The following KCNQ1 variants were observed in gnomAD, a reference collection of about 807,000 sequenced individuals.
KCNQ1 encodes the protein potassium voltage-gated channel subfamily KQT member 1.
KCNQ1 carries 49 observed loss-of-function variants against 72.4 expected under a neutral mutation model. The ratio of observed to expected loss-of-function variants is 0.68; its 90% CI spans 0.54 to 0.86. The LOEUF is 0.86. KCNQ1 is among the 40% of genes least tolerant of loss of function. The probability of loss-of-function intolerance (pLI) is 0.00; values close to 1 mark genes in which losing one functional copy is unlikely to be tolerated. For synonymous variants in KCNQ1, 450 were observed against 412.6 expected, an observed-to-expected ratio of 1.09 and a Z score of -1.10; for missense variants, 790 against 945.1, an observed-to-expected ratio of 0.84 and a Z score of 2.15.
In KCNQ1 at chr11:2,563,894, ACAAT is replaced by A. The variant is rs1271694484; in HGVS notation, c.478-6733_478-6730del. ...AGCTATTTCGTTGAATGCTGAACTA[ACAAT>A]AGTCAGTGAAGATTAAGAACTAAAG... On this transcript the variant is annotated intron_variant, in intron 2 of 15. Coordinates refer to ENST00000155840, the MANE Select transcript of KCNQ1 (RefSeq NM_000218.3). This position sits in a 1 kb window ranked among gnomAD's most constrained non-coding sequence, Gnocchi z 7.4. 6.6e-6 allele frequency among the ~76,000 whole-genome samples: 1 copy of A among 152,218 alleles called. No homozygotes were observed. Among genetic ancestry groups the A allele is most frequent in the African/African-American group, 2.4e-5 (1 of 41,456 alleles).
At position 2,451,560 on chromosome 11, in the gene KCNQ1, G is replaced by A. The variant is rs921577830; in HGVS notation, c.386+6076G>A. 3.7e-4 allele frequency among the ~76,000 whole-genome samples: 57 copies of A among 152,342 alleles called. No homozygotes were observed. The highest frequency in any genetic ancestry group is 1.4e-3 in the African/African-American group (57 of 41,578). On this transcript the variant is annotated intron_variant, in intron 1 of 15. Transcript: ENST00000155840. This position sits in a 1 kb window ranked among gnomAD's most constrained non-coding sequence, Gnocchi z 6.4. ...CTGTGGTCCCAGGCACTGGGTGGAT[G>A]GACCAGCAGAAAGGCTCCCAGGAGG...
chr11:2,504,292 C>T (rs773595288), intron 1 of KCNQ1, among the ~76,000 whole-genome samples: 19 of 151,334 alleles, frequency 1.3e-4, no homozygotes, highest in African/African-American at 3.9e-4. Flanking sequence ...CAATTGAACT[C>T]GAGATAGAGT....
intron 2 of KCNQ1, among the ~76,000 whole-genome samples, chr11:2,535,223 C>T (rs552775093): frequency 2.0e-5 from 3 of 152,246 alleles, no homozygotes; most frequent in South Asian, 2.1e-4. Flanking sequence ...AGGCTTTGGG[C>T]GGGTAAGGGT....
chr11:2,657,442 A>C lies in KCNQ1; in HGVS notation c.1394-4519A>C, dbSNP rs377708628. The C allele has an allele frequency of 1.6e-4, 65 of 398,528 alleles. No individual in the cohort carries two copies. The South Asian group carries it at 7.8e-3, about 48-fold the overall frequency. 24.7% of individuals were successfully genotyped at this position (398,528 alleles called of 1,614,324 possible). A position where few individuals can be genotyped will look rare whatever the true frequency, so the allele number is the denominator to read the frequency against. On this transcript the variant is annotated intron_variant, in intron 10 of 15. Transcript: ENST00000155840. The surrounding 1 kb of genome is among the most constrained non-coding windows in gnomAD (Gnocchi z 4.8). ...GCATATACTTAGTTAGATAATTAAT[A>C]TTCTTTTGTGCTATTGTATACAGGT... is the stretch of plus-strand genomic sequence containing the variant.
At chr11:2,754,075 C>T (rs1238045843) in intron 11 of KCNQ1, among the ~76,000 whole-genome samples, 7 of 152,240 alleles carry the variant, frequency 4.6e-5, no homozygotes, top group Admixed American at 4.6e-4. Context: ...CATGAACACA[C>T]GCTCAGCCTC....
chr11:2,825,440 G>C (rs189794481), intron 15 of KCNQ1, among the ~76,000 whole-genome samples: 5 of 152,260 alleles, frequency 3.3e-5, no homozygotes, highest in South Asian at 2.1e-4. Flanking sequence ...CACCACGCGG[G>C]GGGGTAGGGG....
rs367681171 is a variant in KCNQ1 at position 2,670,508 on chromosome 11, G to T, written c.1514+8427G>T. The T allele has an allele frequency of 1.0e-5, 4 of 397,606 alleles. No individual in the cohort carries two copies. Among genetic ancestry groups the T allele is most frequent in the Non-Finnish European group, 8.9e-6 (2 of 225,948 alleles). The allele number at this position is 397,606 out of a possible 1,614,324, so 24.6% of individuals were successfully genotyped here. A position where few individuals can be genotyped will look rare whatever the true frequency, so the allele number is the denominator to read the frequency against. On this transcript the variant is annotated intron_variant, in intron 11 of 15. Transcript: ENST00000155840. The surrounding 1 kb of genome is among the most constrained non-coding windows in gnomAD (Gnocchi z 4.9). ...AGCATCTAGTGGGCCTGTCCTCCCA[G>T]CTCACAGAAGGGGAAATTGAAGCCT...
At position 2,785,577 on chromosome 11, in the gene KCNQ1, T is replaced by G. The variant is rs2134001261; in HGVS notation, c.1794+7540T>G. On this transcript the variant is annotated intron_variant, in intron 15 of 15. Coordinates refer to ENST00000155840, the MANE Select transcript of KCNQ1 (RefSeq NM_000218.3). The surrounding 1 kb of genome is among the most constrained non-coding windows in gnomAD (Gnocchi z 4.4). ...TTTCAGGTTTGTCTTTTGTAAACAC[T>G]GTATTACTGAGTTTTTAAAAAATCA... Among the ~76,000 whole-genome samples the G allele has an allele frequency of 6.6e-6, 1 of 151,970 alleles. No individual in the cohort carries two copies. The highest frequency in any genetic ancestry group is 2.1e-4 in the South Asian group (1 of 4,828).
rs1410931891 is a variant in KCNQ1, at chr11:2,669,522, GT to G, written c.1514+7443del. ...CTTGTCAGCTAATGGTTTGATGTAT[GT>G]TCGCTGAATCCAGGGACAAGGTCTG... On this transcript the variant is annotated intron_variant, in intron 11 of 15. Coordinates refer to ENST00000155840, the MANE Select transcript of KCNQ1 (RefSeq NM_000218.3). This position sits in a 1 kb window ranked among gnomAD's most constrained non-coding sequence, Gnocchi z 5.6. The G allele has an allele frequency of 5.0e-6, 2 of 398,548 alleles. No homozygotes were observed. The highest frequency in any genetic ancestry group is 8.8e-6 in the Non-Finnish European group (2 of 226,088). The allele number at this position is 398,548 out of a possible 1,614,324, so 24.7% of individuals were successfully genotyped here. A position where few individuals can be genotyped will look rare whatever the true frequency, so the allele number is the denominator to read the frequency against.
Position 2,571,408 on chromosome 11 carries a change from G to A in KCNQ1, c.683+5G>A, listed in dbSNP as rs397508122. The A allele has an allele frequency of 6.2e-6, 10 of 1,609,124 alleles. No homozygotes were observed. Among genetic ancestry groups the A allele is most frequent in the East Asian group, 2.2e-5 (1 of 44,854 alleles). The stretch of plus-strand genomic sequence containing the variant: ...GTTTGCCACGTCGGCCATCAGGTGC[G>A]TCTGTGCCACAAGCTCCCCCCGCCA... On this transcript the variant is annotated splice_donor_5th_base_variant and intron_variant, in intron 4 of 15. Coordinates refer to ENST00000155840, the MANE Select transcript of KCNQ1 (RefSeq NM_000218.3).
intron 2 of KCNQ1, among the ~76,000 whole-genome samples, chr11:2,532,562 T>C (rs1025922618): frequency 6.6e-6 from 1 of 152,048 alleles, no homozygotes; most frequent in Non-Finnish European, 1.5e-5. Context: ...CAGGCGGATG[T>C]ACAGACACAT....
At chr11:2,765,138 CTG>C (rs1301767478) in intron 11 of KCNQ1, among the ~76,000 whole-genome samples, 11 of 152,180 alleles carry the variant, frequency 7.2e-5, no homozygotes, top group Admixed American at 1.3e-4. Flanking sequence ...GGTTCACTGT[CTG>C]TGCTTATTTC....
In KCNQ1 at chr11:2,608,421, T is replaced by C. The variant is rs151202014; in HGVS notation, c.1393+19567T>C. ...GCACAAAATTGTTCATAGTGTTCCT[T>C]CATAATCCTTTTTATTTCTGTCAGG... On this transcript the variant is annotated intron_variant, in intron 10 of 15. Coordinates refer to ENST00000155840, the MANE Select transcript of KCNQ1 (RefSeq NM_000218.3). This position sits in a 1 kb window ranked among gnomAD's most constrained non-coding sequence, Gnocchi z 4.6. 794 of 398,616 alleles carry C rather than the reference T, an allele frequency of 2.0e-3. 1 individual carries two copies. Among genetic ancestry groups the C allele is most frequent in the African/African-American group, 0.013 (655 of 48,766 alleles). 24.7% of individuals were successfully genotyped at this position (398,616 alleles called of 1,614,324 possible).
At chr11:2,511,242 G>A (rs1847198221) in intron 1 of KCNQ1, among the ~76,000 whole-genome samples, 2 of 152,140 alleles carry the variant, frequency 1.3e-5, no homozygotes, top group African/African-American at 4.8e-5. Flanking sequence ...GAGACGTGGG[G>A]TGGGGAAGGG....
intron 10 of KCNQ1, chr11:2,630,535 T>C (rs1415311676): frequency 7.5e-6 from 3 of 398,220 alleles, no homozygotes; most frequent in African/African-American, 2.1e-5. Flanking sequence ...TAATATTGCA[T>C]ATCCATTGAG....
chr11:2,614,848 T>A, intron 10 of KCNQ1: 1 of 398,522 alleles, frequency 2.5e-6, no homozygotes, highest in East Asian at 3.6e-5. Flanking sequence ...TTTGTTCTTT[T>A]TCAATATGAT....
At chr11:2,470,530 G>A (rs574033311) in intron 1 of KCNQ1, among the ~76,000 whole-genome samples, 2 of 152,182 alleles carry the variant, frequency 1.3e-5, no homozygotes, top group South Asian at 2.1e-4. Flanking sequence ...ACAAGCCGGC[G>A]TCTTATGAAA....
At position 2,664,270 on chromosome 11, in the gene KCNQ1, G is replaced by C. The variant is rs1037793781; in HGVS notation, c.1514+2189G>C. 5.0e-6 allele frequency: 2 copies of C among 398,970 alleles called. No individual in the cohort carries two copies. Among genetic ancestry groups the C allele is most frequent in the Non-Finnish European group, 8.8e-6 (2 of 226,426 alleles). The allele number at this position is 398,970 out of a possible 1,614,324, so 24.7% of individuals were successfully genotyped here. On this transcript the variant is annotated intron_variant, in intron 11 of 15. Coordinates refer to ENST00000155840, the MANE Select transcript of KCNQ1 (RefSeq NM_000218.3). This position sits in a 1 kb window ranked among gnomAD's most constrained non-coding sequence, Gnocchi z 5.1. ...GACTGGGAGAGGGAAAAACAAGGAG[G>C]TTGCTGCAAAGGGGCCACCTTGAGG...
intron 11 of KCNQ1, among the ~76,000 whole-genome samples, chr11:2,755,293 C>T (rs151219): frequency 0.19 from 29,463 of 152,000 alleles, 3,104 homozygotes; most frequent in Admixed American, 0.29. Flanking sequence ...CTCTGTGACC[C>T]GGGTTGGAGT....
Sources: gnomAD v4.1 joint callset for allele counts (sites outside exome capture counted in the v4.1 genomes callset) on GRCh38, gnomAD v4.1.1 for gene constraint, Gnocchi (gnomAD v3.1) non-coding constraint, MANE v1.5 for transcripts, NCBI Gene and HGNC (gene_info 2026-07-23, HGNC 2026-07-21) for gene names.